PTPRN2: variants seen among roughly 807,000 people sequenced by gnomAD.
PTPRN2 encodes protein tyrosine phosphatase receptor type N2.
A neutral mutation model predicts 118.8 loss-of-function variants in PTPRN2; 74 were observed. The observed-to-expected ratio is 0.62, with a 90% CI of 0.52 to 0.76. PTPRN2 has a LOEUF of 0.76. PTPRN2 is among the 30% of genes least tolerant of loss of function. The probability of loss-of-function intolerance (pLI) is 0.00; values close to 1 mark genes in which losing one functional copy is unlikely to be tolerated. For missense variants in PTPRN2, 1,481 were observed against 1,394.4 expected (o/e 1.06, Z -0.99); for synonymous variants, 641 against 608.0 (o/e 1.05, Z -0.80).
At chr7:157,985,153 G>A (rs1803680174) in intron 11 of PTPRN2, among the ~76,000 whole-genome samples, 1 of 152,230 alleles carries the variant, frequency 6.6e-6, no homozygotes, top group South Asian at 2.1e-4. Flanking sequence ...GACATCAGAT[G>A]TTTGGGCCCT....
In PTPRN2 at chr7:158,167,158, T is replaced by A; in HGVS notation, c.683A>T (p.Glu228Val). 1 of 1,613,900 alleles carries A rather than the reference T, an allele frequency of 6.2e-7. No individual in the cohort carries two copies. The highest frequency in any genetic ancestry group is 8.5e-7 in the Non-Finnish European group (1 of 1,179,978). ...PRTLGQLQPDELSPKVDSGVD... is the reference protein window; with the variant it reads ...PRTLGQLQPDVLSPKVDSGVD... ...ACCACTGTCCACCTTAGGGCTGAGCTCATCTGGCTGGAGCTGGCCGAGGGT... is the reference window on the plus strand; with the variant it reads ...ACCACTGTCCACCTTAGGGCTGAGCACATCTGGCTGGAGCTGGCCGAGGGT... The change falls in exon 6 of 23, where the codon GAG (glutamate) becomes GTG (valine). Residue 228 changes from glutamate (E) to valine (V), a missense_variant. This residue lies in a region of PTPRN2 where 1,115 missense variants were observed against 994.2 expected (regional missense o/e 1.12). Transcript: ENST00000389418.
At chr7:157,673,896 C>G (rs1049847102) in intron 13 of PTPRN2, among the ~76,000 whole-genome samples, 10 of 152,154 alleles carry the variant, frequency 6.6e-5, no homozygotes, top group African/African-American at 2.4e-4. Flanking sequence ...GAGTCCTTCA[C>G]AAAGGCAGAC....
intron 11 of PTPRN2, among the ~76,000 whole-genome samples, chr7:157,954,713 C>T (rs546351508): frequency 6.6e-6 from 1 of 152,136 alleles, no homozygotes; most frequent in Non-Finnish European, 1.5e-5. Context: ...CCCTGCCGAG[C>T]CCCAGAAACC....
rs1181452789 is a variant in PTPRN2 at position 157,615,574 on chromosome 7, T to C, written c.2344+5788A>G. The C allele has an allele frequency of 4.2e-6, 2 of 471,098 alleles. No individual in the cohort carries two copies. The highest frequency in any genetic ancestry group is 8.8e-6 in the Non-Finnish European group (2 of 227,068). 29.2% of individuals were successfully genotyped at this position (471,098 alleles called of 1,614,324 possible). A position where few individuals can be genotyped will look rare whatever the true frequency, so the allele number is the denominator to read the frequency against. On this transcript the variant is annotated intron_variant, in intron 15 of 22. Coordinates refer to ENST00000389418, the MANE Select transcript of PTPRN2 (RefSeq NM_002847.5). This position sits in a 1 kb window ranked among gnomAD's most constrained non-coding sequence, Gnocchi z 4.3. ...CAATCTCAGCCCTGGAACCAGCGCC[T>C]GGGAAGTCCCGCGGTGGATCCGCGT...
At chr7:158,407,190 C>CCGCG (rs1563254473) in intron 2 of PTPRN2, among the ~76,000 whole-genome samples, 602 of 26,804 alleles carry the variant, frequency 0.022, 67 homozygotes, top group East Asian at 0.072. Context: ...GTCCTGGGTC[C>CCGCG]TGGGTCCTGG....
rs1161341523 is a variant in PTPRN2 at position 157,813,837 on chromosome 7, G to A, written c.1788+84836C>T. On this transcript the variant is annotated intron_variant, in intron 12 of 22. Coordinates refer to ENST00000389418, the MANE Select transcript of PTPRN2 (RefSeq NM_002847.5). The surrounding 1 kb of genome is among the most constrained non-coding windows in gnomAD (Gnocchi z 4.7). ...CTGGAGCGCGGGTAAAACAGCTCGGGGCCAGCCAGAGCTTCTGAGCCAGGG... is the reference window on the plus strand; with the variant it reads ...CTGGAGCGCGGGTAAAACAGCTCGGAGCCAGCCAGAGCTTCTGAGCCAGGG... Among the ~76,000 whole-genome samples the A allele has an allele frequency of 6.6e-6, 1 of 152,236 alleles. No individual in the cohort carries two copies. Among genetic ancestry groups the A allele is most frequent in the African/African-American group, 2.4e-5 (1 of 41,462 alleles).
intron 17 of PTPRN2, among the ~76,000 whole-genome samples, chr7:157,586,573 C>G (rs1448966743): frequency 1.3e-5 from 2 of 152,220 alleles, no homozygotes; most frequent in African/African-American, 2.4e-5. Flanking sequence ...CCGGGTCTGT[C>G]CTGGAGACTC....
Position 158,525,778 on chromosome 7 carries a change from C to T in PTPRN2, c.113-35993G>A, listed in dbSNP as rs1415017072. Among the ~76,000 whole-genome samples, 3 of 152,180 alleles carry T rather than the reference C, an allele frequency of 2.0e-5. No individual in the cohort carries two copies. In the East Asian group the frequency reaches 5.8e-4, roughly 29 times the overall value. ...TCTCTGCTGGTCTCTCTCCACGGCA[C>T]CTGCTCCACAGCCACCTCTCTCTGC... On this transcript the variant is annotated intron_variant, in intron 1 of 22. Coordinates refer to ENST00000389418, the MANE Select transcript of PTPRN2 (RefSeq NM_002847.5). This position sits in a 1 kb window ranked among gnomAD's most constrained non-coding sequence, Gnocchi z 4.1.
chr7:157,902,181 G>A (rs1047145928), intron 11 of PTPRN2, among the ~76,000 whole-genome samples: 10 of 152,238 alleles, frequency 6.6e-5, no homozygotes, highest in Non-Finnish European at 1.3e-4. Flanking sequence ...ACTTTCCACT[G>A]GGCCTCCTGT....
At chr7:158,330,750 C>T (rs1298540208) in intron 2 of PTPRN2, among the ~76,000 whole-genome samples, 2 of 117,500 alleles carry the variant, frequency 1.7e-5, no homozygotes, top group Non-Finnish European at 1.9e-5. Context: ...CACACCCACA[C>T]TCTCACCATA....
intron 11 of PTPRN2, among the ~76,000 whole-genome samples, chr7:158,032,003 TCA>T (rs1807725054): frequency 6.6e-6 from 1 of 152,174 alleles, no homozygotes; most frequent in African/African-American, 2.4e-5. Context: ...AGCCCAGCTC[TCA>T]CTTTCAAGGG....
chr7:158,146,630 A>G (rs555611715), intron 6 of PTPRN2, among the ~76,000 whole-genome samples: 1 of 149,754 alleles, frequency 6.7e-6, no homozygotes, highest in African/African-American at 2.5e-5. Context: ...CTGAGGCAGA[A>G]GAATGGTGTG....
intron 5 of PTPRN2, among the ~76,000 whole-genome samples, chr7:158,189,436 A>G (rs1193678598): frequency 6.6e-6 from 1 of 152,032 alleles, no homozygotes; most frequent in Admixed American, 6.5e-5. Flanking sequence ...GCAGGTGACG[A>G]CTCGCTCACT....
chr7:158,317,078 C>G (rs999885527), intron 2 of PTPRN2, 146 bp from the exon 3 acceptor site: 6 of 564,552 alleles, frequency 1.1e-5, no homozygotes, highest in Non-Finnish European at 1.8e-5. Context: ...TGTTAGGACC[C>G]GGGAGCACCC....
chr7:158,226,533 G>A (rs35995505), intron 3 of PTPRN2, among the ~76,000 whole-genome samples: 1 of 151,956 alleles, frequency 6.6e-6, no homozygotes, highest in African/African-American at 2.4e-5. Context: ...AGAGGGAAAC[G>A]GAGGCGGCAG....
chr7:158,469,199 A>G (rs1036002927), intron 2 of PTPRN2, among the ~76,000 whole-genome samples: 1 of 152,150 alleles, frequency 6.6e-6, no homozygotes, highest in African/African-American at 2.4e-5. Context: ...CCCAGCACTT[A>G]GGGAGGCCAA....
chr7:158,049,067 T>TTA (rs2128895330), intron 11 of PTPRN2, among the ~76,000 whole-genome samples: 1 of 1,518 alleles, frequency 6.6e-4, no homozygotes, highest in Non-Finnish European at 1.4e-3. Context: ...ATCACTATCA[T>TTA]CCCACCACTA....
intron 5 of PTPRN2, among the ~76,000 whole-genome samples, chr7:158,188,928 C>G (rs565415948): frequency 1.3e-5 from 2 of 152,318 alleles, no homozygotes; most frequent in East Asian, 3.9e-4. Flanking sequence ...GAGCACTGAG[C>G]TGCTGAGTCC....
chr7:158,373,304 T>C (rs1476450363), intron 2 of PTPRN2, among the ~76,000 whole-genome samples: 1 of 152,244 alleles, frequency 6.6e-6, no homozygotes, highest in Admixed American at 6.5e-5. Context: ...GAAATGAGTT[T>C]TTTGCTATAA....
Sources: gnomAD v4.1 joint callset for allele counts (sites outside exome capture counted in the v4.1 genomes callset) on GRCh38, gnomAD v4.1.1 for gene constraint, gnomAD v4.1.1 regional missense constraint, Gnocchi (gnomAD v3.1) non-coding constraint, MANE v1.5 for transcripts, NCBI Gene and HGNC (gene_info 2026-07-23, HGNC 2026-07-21) for gene names.